The following PTGES2 variants were observed in gnomAD, a reference collection of about 807,000 sequenced individuals.
The protein encoded by PTGES2 is prostaglandin E synthase 2.
PTGES2 carries 35 observed loss-of-function variants against 44.5 expected under a neutral mutation model. That is an observed-to-expected ratio of 0.79 (90% CI 0.60 to 1.04). The LOEUF (loss-of-function observed/expected upper bound fraction) is 1.04, where lower values mean the gene tolerates loss of function less well. PTGES2 is among the 50% of genes least tolerant of loss of function. PTGES2 has a pLI of 0.00. For synonymous variants in PTGES2, 221 were observed against 227.5 expected (o/e 0.97, Z 0.26); for missense variants, 517 against 521.4 (o/e 0.99, Z 0.08).
intron 6 of PTGES2, among the ~76,000 whole-genome samples, chr9:128,121,978 A>G (rs1834427943): frequency 6.6e-6 from 1 of 151,232 alleles, no homozygotes; most frequent in Non-Finnish European, 1.5e-5. Flanking sequence ...AAGCCAGGCC[A>G]GTGAGACGCC....
At position 128,121,216 on chromosome 9, in the gene PTGES2, G is replaced by T; in HGVS notation, c.1063C>A (p.Gln355Lys). Residue 355 changes from glutamine (Q) to lysine (K), a missense_variant, in exon 7 of 7, where the codon CAG becomes AAG. Transcript: ENST00000338961. ...TACCAGGGCTGGATGTGCGTGTGCT[G>T]CATCAGGTCATCGAACGCATCCAGC... ...EGLDAFDDLM[Q>K]HTHIQPWYLR... 1 of 1,600,968 alleles carries T rather than the reference G, an allele frequency of 6.2e-7. No homozygotes were observed. Among genetic ancestry groups the T allele is most frequent in the South Asian group, 1.1e-5 (1 of 88,754 alleles).
rs1190856816 is a variant in PTGES2 at position 128,123,935 on chromosome 9, G to A, written c.537-84C>T. ...CCAACCCCGCTGCCCCAGCCTCAGA[G>A]TGGAGCCAGGACCAACAAAGGCTCT... is the stretch of plus-strand genomic sequence containing the variant. On this transcript the variant is annotated intron_variant, in intron 3 of 6. Coordinates refer to ENST00000338961, the MANE Select transcript of PTGES2 (RefSeq NM_025072.7). The surrounding 1 kb of genome is among the most constrained non-coding windows in gnomAD (Gnocchi z 4.4). 2.6e-6 allele frequency: 4 copies of A among 1,511,896 alleles called. No individual in the cohort carries two copies. The East Asian group carries it at 9.1e-5, about 35-fold the overall frequency. 93.7% of individuals were successfully genotyped at this position (1,511,896 alleles called of 1,614,324 possible).
Position 128,123,941 on chromosome 9 carries a change from C to T in PTGES2, c.537-90G>A. 6.8e-7 allele frequency: 1 copy of T among 1,463,918 alleles called. No homozygotes were observed. The allele number at this position is 1,463,918 out of a possible 1,614,324, so 90.7% of individuals were successfully genotyped here. The stretch of plus-strand genomic sequence containing the variant: ...CCGCTGCCCCAGCCTCAGAGTGGAG[C>T]CAGGACCAACAAAGGCTCTCCGGAC... On this transcript the variant is annotated intron_variant, in intron 3 of 6. Transcript: ENST00000338961. This position sits in a 1 kb window ranked among gnomAD's most constrained non-coding sequence, Gnocchi z 4.4.
At position 128,123,668 on chromosome 9, in the gene PTGES2, A is replaced by AGAC. The variant is rs1834508358; in HGVS notation, c.686+33_686+34insGTC. On this transcript the variant is annotated intron_variant, in intron 4 of 6. Transcript: ENST00000338961. The surrounding 1 kb of genome is among the most constrained non-coding windows in gnomAD (Gnocchi z 4.4). ...TACTCTACAGAAGACCCCTGCGGTC[A>AGAC]CCACCTTCCCCCGCCAGCCCCAGCC... 1.2e-6 allele frequency: 2 copies of AGAC among 1,600,032 alleles called. No individual in the cohort carries two copies. The highest frequency in any genetic ancestry group is 4.5e-5 in the East Asian group (2 of 44,602).
In PTGES2 at chr9:128,122,270, T is replaced by C. The variant is rs1009015019; in HGVS notation, c.1005+92A>G. ...AGAGAGGCAGGTTCCTCTGGCAAGATGCAAGCACCGTCCAGGCTTTCCCTT... is the reference window on the plus strand; with the variant it reads ...AGAGAGGCAGGTTCCTCTGGCAAGACGCAAGCACCGTCCAGGCTTTCCCTT... On this transcript the variant is annotated intron_variant, in intron 6 of 6. Coordinates refer to ENST00000338961, the MANE Select transcript of PTGES2 (RefSeq NM_025072.7). The C allele has an allele frequency of 2.9e-5, 29 of 1,003,038 alleles. No homozygotes were observed. In the Middle Eastern group the frequency reaches 6.5e-4, roughly 22 times the overall value. The allele number at this position is 1,003,038 out of a possible 1,614,324, so 62.1% of individuals were successfully genotyped here.
chr9:128,124,626 C>A, intron 2 of PTGES2, 76 bp from the exon 3 acceptor site: 1 of 1,488,246 alleles, frequency 6.7e-7, no homozygotes. Context: ...TTTAACAAGA[C>A]ACTCTGGGCA....
chr9:128,125,175 C>T, intron 2 of PTGES2, 69 bp downstream of exon 2: 1 of 1,431,154 alleles, frequency 7.0e-7, no homozygotes, highest in African/African-American at 1.4e-5. Flanking sequence ...CAGAGCCAGG[C>T]CAGGCTAGGG....
chr9:128,122,812 G>T (rs975795068), intron 5 of PTGES2, 122 bp downstream of exon 5: 2 of 1,015,886 alleles, frequency 2.0e-6, no homozygotes, highest in South Asian at 1.5e-5. Context: ...TCCATAATGC[G>T]TTTCCCACCT....
intron 1 of PTGES2, 61 bp downstream of exon 1, chr9:128,127,378 C>T (rs1178691946): frequency 6.2e-6 from 8 of 1,298,546 alleles, no homozygotes; most frequent in Non-Finnish European, 6.9e-6. Context: ...CCTGCGGGTT[C>T]CCAGGAGTCC....
intron 1 of PTGES2, among the ~76,000 whole-genome samples, chr9:128,126,048 G>A (rs1834605502): frequency 6.6e-6 from 1 of 152,228 alleles, no homozygotes; most frequent in Non-Finnish European, 1.5e-5. Context: ...ATCCGAGGGG[G>A]AGGGTGGTAT....
At chr9:128,128,418 G>T, upstream of PTGES2, 1 of 451,106 alleles carries the variant, frequency 2.2e-6, no homozygotes, top group South Asian at 1.6e-5. Flanking sequence ...CCGCATAGGC[G>T]TCTCCGCGGA....
In PTGES2 at chr9:128,127,538, TC is replaced by T; in HGVS notation, c.179del (p.Gly60GlufsTer43). ...AARKGSPRLLGAAALALGGAL... is the reference protein window; with the variant it reads ...AARKGSPRLLXAAALALGGAL... ...CTCCCCCCAGGGCCAGCGCCGCAGC[TC>T]CCAGCAGCCGCGGGCTCCCCTTACG... On this transcript the variant is annotated frameshift_variant, in exon 1 of 7. Transcript: ENST00000338961. LOFTEE classifies it high-confidence loss of function. 2 of 1,295,798 alleles carry T rather than the reference TC, an allele frequency of 1.5e-6. No homozygotes were observed. Among genetic ancestry groups the T allele is most frequent in the Non-Finnish European group, 2.0e-6 (2 of 1,022,378 alleles). The allele number at this position is 1,295,798 out of a possible 1,614,324, so 80.3% of individuals were successfully genotyped here.
chr9:128,125,836 G>A (rs1230396570), intron 1 of PTGES2, among the ~76,000 whole-genome samples: 1 of 152,198 alleles, frequency 6.6e-6, no homozygotes. Flanking sequence ...TCTAACCCCA[G>A]GGACCTCTGG....
Position 128,125,256 on chromosome 9 carries a change from T to C in PTGES2, c.465A>G (p.Glu155=). The change falls in exon 2 of 7, where the codon GAA becomes GAG. Residue 155 remains glutamate, a synonymous_variant. Transcript: ENST00000338961. ...CCCTGGGGCTCACCGAGCTTTCTCC[T>C]TCCTGGGCCACCAGGATGGGCACCT... The part of the protein sequence containing the change: ...YRKVPILVAQ[E]GESSQQLNDS... 6.3e-7 allele frequency: 1 copy of C among 1,589,530 alleles called. No individual in the cohort carries two copies. Among genetic ancestry groups the C allele is most frequent in the South Asian group, 1.1e-5 (1 of 88,208 alleles).
At chr9:128,128,262 G>C (rs965116858), upstream of PTGES2, 4 of 454,882 alleles carry the variant, frequency 8.8e-6, no homozygotes, top group Non-Finnish European at 1.8e-5. Flanking sequence ...AGGGGCCTTG[G>C]AAACCACGTG....
chr9:128,128,062 C>T, upstream of PTGES2: 2 of 375,684 alleles, frequency 5.3e-6, no homozygotes, highest in Non-Finnish European at 1.0e-5. Context: ...TACTTGCCCA[C>T]CTCTCTTACG....
rs1474444964 is a variant in PTGES2 at position 128,122,493 on chromosome 9, G to A, written c.888-14C>T. 1 of 1,609,280 alleles carries A rather than the reference G, an allele frequency of 6.2e-7. No homozygotes were observed. On this transcript the variant is annotated splice_polypyrimidine_tract_variant and intron_variant, in intron 5 of 6. Transcript: ENST00000338961. ...TGGAGGCGGTGCCTGGGCGGGGAAGGGAAAAGCCCCTCAGGGGAGCCCCCA... is the reference window on the plus strand; with the variant it reads ...TGGAGGCGGTGCCTGGGCGGGGAAGAGAAAAGCCCCTCAGGGGAGCCCCCA...
chr9:128,123,491 C>T lies in PTGES2; in HGVS notation c.686+211G>A, dbSNP rs570953435. 6.6e-6 allele frequency among the ~76,000 whole-genome samples: 1 copy of T among 152,164 alleles called. No homozygotes were observed. The highest frequency in any genetic ancestry group is 2.4e-5 in the African/African-American group (1 of 41,502). Reference sequence around the variant, plus strand: ...GAACTCCTGACCTCAGGTGATCTGCCTGCCTCGGCCTCCCAACAGGCTGGG... The same window carrying T: ...GAACTCCTGACCTCAGGTGATCTGCTTGCCTCGGCCTCCCAACAGGCTGGG... On this transcript the variant is annotated intron_variant, in intron 4 of 6. Transcript: ENST00000338961. This position sits in a 1 kb window ranked among gnomAD's most constrained non-coding sequence, Gnocchi z 4.4.
chr9:128,123,149 G>C lies in PTGES2; in HGVS notation c.687-15C>G, dbSNP rs188352720. On this transcript the variant is annotated splice_polypyrimidine_tract_variant and intron_variant, in intron 4 of 6. Transcript: ENST00000338961. This position sits in a 1 kb window ranked among gnomAD's most constrained non-coding sequence, Gnocchi z 4.4. The stretch of plus-strand genomic sequence containing the variant: ...TCATCTCCTCCCTGCGGGCACGGGA[G>C]GGACTTCCTAAGCCAGGACCCGGGC... 219 of 1,605,650 alleles carry C rather than the reference G, an allele frequency of 1.4e-4. No homozygotes were observed. In the East Asian group the frequency reaches 2.7e-3, roughly 20 times the overall value.
Sources: allele counts gnomAD v4.1 joint callset (sites outside exome capture counted in the v4.1 genomes callset), GRCh38; gene constraint gnomAD v4.1.1; non-coding constraint Gnocchi (gnomAD v3.1); transcripts MANE v1.5; gene names NCBI Gene and HGNC (gene_info 2026-07-23, HGNC 2026-07-21).